The following TNFSF13B variants were observed in gnomAD, a reference collection of about 807,000 sequenced individuals.
The protein encoded by TNFSF13B is tumor necrosis factor ligand superfamily member 13B.
TNFSF13B carries 8 observed loss-of-function variants against 29.1 expected under a neutral mutation model. The ratio of observed to expected loss-of-function variants is 0.27; its 90% CI spans 0.16 to 0.50. TNFSF13B has a LOEUF of 0.50. Ranked by LOEUF, TNFSF13B falls within the 20% of genes least tolerant of loss-of-function variation. The pLI is 0.98. For missense variants in TNFSF13B, 248 were observed against 334.9 expected, an observed-to-expected ratio of 0.74 and a Z score of 2.03; for synonymous variants, 125 against 130.8, an observed-to-expected ratio of 0.96 and a Z score of 0.30.
At chr13:108,286,313 G>T (rs1476429771) in intron 2 of TNFSF13B, among the ~76,000 whole-genome samples, 2 of 150,916 alleles carry the variant, frequency 1.3e-5, no homozygotes, top group Non-Finnish European at 2.9e-5. Flanking sequence ...ATACTGTCTT[G>T]GTACACTGTC....
At chr13:108,305,636 G>A (rs988187881) in intron 5 of TNFSF13B, among the ~76,000 whole-genome samples, 2 of 152,040 alleles carry the variant, frequency 1.3e-5, no homozygotes, top group African/African-American at 4.8e-5. Flanking sequence ...GTCCTCAAAG[G>A]CTTTGTCAAT....
At chr13:108,286,123 T>G (rs1208150683) in intron 2 of TNFSF13B, among the ~76,000 whole-genome samples, 1 of 152,232 alleles carries the variant, frequency 6.6e-6, no homozygotes, top group Non-Finnish European at 1.5e-5. Context: ...TCTTTCTCTC[T>G]TTGGTCCAAT....
At chr13:108,289,516 A>C (rs1000178672) in intron 3 of TNFSF13B, among the ~76,000 whole-genome samples, 1 of 149,618 alleles carries the variant, frequency 6.7e-6, no homozygotes. Flanking sequence ...TTCTGGGAAA[A>C]GATAATAATA....
At chr13:108,277,801 A>G (rs1315616889) in intron 2 of TNFSF13B, among the ~76,000 whole-genome samples, 5 of 152,170 alleles carry the variant, frequency 3.3e-5, no homozygotes, top group Non-Finnish European at 5.9e-5. Context: ...GAGAACCACC[A>G]GAGGTCACTC....
intron 5 of TNFSF13B, among the ~76,000 whole-genome samples, chr13:108,305,542 G>A (rs1881747003): frequency 6.6e-6 from 1 of 152,072 alleles, no homozygotes; most frequent in South Asian, 2.1e-4. Flanking sequence ...TTGTCAAAAT[G>A]TTAGGTCATT....
intron 2 of TNFSF13B, among the ~76,000 whole-genome samples, chr13:108,270,950 T>TAC (rs138902471): frequency 0.13 from 19,672 of 150,532 alleles, 1,546 homozygotes; most frequent in Middle Eastern, 0.18. Context: ...AAGGTTATTT[T>TAC]ACACACACAC....
chr13:108,285,093 G>T (rs1211923977), intron 2 of TNFSF13B, among the ~76,000 whole-genome samples: 1 of 152,088 alleles, frequency 6.6e-6, no homozygotes, highest in African/African-American at 2.4e-5. Flanking sequence ...CCTCAGAGTG[G>T]ACCAAAATGC....
chr13:108,269,850 GGT>G lies in TNFSF13B; in HGVS notation c.-45_-44del. 1.3e-6 allele frequency: 2 copies of G among 1,497,822 alleles called. No individual in the cohort carries two copies. Among genetic ancestry groups the G allele is most frequent in the Non-Finnish European group, 1.8e-6 (2 of 1,107,040 alleles). 92.8% of individuals were successfully genotyped at this position (1,497,822 alleles called of 1,614,324 possible). A position where few individuals can be genotyped will look rare whatever the true frequency, so the allele number is the denominator to read the frequency against. On this transcript the variant is annotated 5_prime_UTR_variant, in exon 1 of 6. Transcript: ENST00000375887. ...TAACAGGAAATGATCCATTCCCTGTGGTCACTTATTCTAAAGGCCCCAACCTT... is the reference window on the plus strand; with the variant it reads ...TAACAGGAAATGATCCATTCCCTGTGCACTTATTCTAAAGGCCCCAACCTT...
rs1881684940 is a variant in TNFSF13B, at chr13:108,303,421, A to G, written c.595-33A>G. 3.1e-6 allele frequency: 5 copies of G among 1,609,868 alleles called. No individual in the cohort carries two copies. In the East Asian group the frequency reaches 1.1e-4, roughly 36 times the overall value. On this transcript the variant is annotated intron_variant, in intron 4 of 5. Transcript: ENST00000375887. ...GTTCAAAGCCTCCCATTTTGTGTTC[A>G]TTTCTGACACAGTTTTTTGGTTTGT...
chr13:108,295,904 A>G lies in TNFSF13B; in HGVS notation c.482-7349A>G, dbSNP rs1881447805. On this transcript the variant is annotated intron_variant, in intron 3 of 5. Coordinates refer to ENST00000375887, the MANE Select transcript of TNFSF13B (RefSeq NM_006573.5). ...TTAATAGAGAGCCATTTCAGATTGA[A>G]AAACATAAACAGGTTTCAAGGTCAA... Among the ~76,000 whole-genome samples the G allele has an allele frequency of 1.4e-5, 2 of 146,390 alleles. 1 individual carries two copies. The highest frequency in any genetic ancestry group is 3.0e-5 in the Non-Finnish European group (2 of 65,806).
In TNFSF13B at chr13:108,307,088, T is replaced by C; in HGVS notation, c.*150T>C. Reference sequence around the variant, plus strand: ...TTTTCTGTGAGCTATTTGTTTTGGTTTGCTGAAACTAGTCCAAAACAGGAA... The same window carrying C: ...TTTTCTGTGAGCTATTTGTTTTGGTCTGCTGAAACTAGTCCAAAACAGGAA... On this transcript the variant is annotated 3_prime_UTR_variant, in exon 6 of 6. Transcript: ENST00000375887. 1 of 574,208 alleles carries C rather than the reference T, an allele frequency of 1.7e-6. No homozygotes were observed. Among genetic ancestry groups the C allele is most frequent in the Non-Finnish European group, 3.0e-6 (1 of 337,308 alleles). The allele number at this position is 574,208 out of a possible 1,614,324, so 35.6% of individuals were successfully genotyped here.
chr13:108,272,840 T>C (rs549522223), intron 2 of TNFSF13B, among the ~76,000 whole-genome samples: 1 of 152,154 alleles, frequency 6.6e-6, no homozygotes, highest in East Asian at 1.9e-4. Flanking sequence ...GTTTTAAAAA[T>C]AAACTTTAAC....
Position 108,308,439 on chromosome 13 carries a change from C to T in TNFSF13B, c.*1501C>T, listed in dbSNP as rs1037575568. Reference sequence around the variant, plus strand: ...GTTAATGATTTTTCTGGTGTTGCTGCTAATGTGGATTAACAAATAAAAACA... The same window carrying T: ...GTTAATGATTTTTCTGGTGTTGCTGTTAATGTGGATTAACAAATAAAAACA... On this transcript the variant is annotated 3_prime_UTR_variant, in exon 6 of 6. Transcript: ENST00000375887. The T allele has an allele frequency of 6.6e-6, 1 of 152,044 alleles. No individual in the cohort carries two copies. The highest frequency in any genetic ancestry group is 1.5e-5 in the Non-Finnish European group (1 of 67,986). 9.4% of individuals were successfully genotyped at this position (152,044 alleles called of 1,614,324 possible). A position where few individuals can be genotyped will look rare whatever the true frequency, so the allele number is the denominator to read the frequency against.
At chr13:108,281,248 A>G (rs1880946166) in intron 2 of TNFSF13B, among the ~76,000 whole-genome samples, 1 of 152,216 alleles carries the variant, frequency 6.6e-6, no homozygotes. Context: ...TCTCAAAAAA[A>G]AAGAAAAAGA....
intron 2 of TNFSF13B, among the ~76,000 whole-genome samples, chr13:108,281,437 G>T (rs1880952386): frequency 1.3e-5 from 2 of 152,016 alleles, no homozygotes; most frequent in African/African-American, 2.4e-5. Flanking sequence ...AAAAACTATT[G>T]GTCACGACTT....
intron 2 of TNFSF13B, among the ~76,000 whole-genome samples, chr13:108,280,069 CTTTT>C (rs35086854): frequency 8.3e-6 from 1 of 120,024 alleles, no homozygotes; most frequent in Non-Finnish European, 1.8e-5. Context: ...ATGGCGTCTG[CTTTT>C]TTTTTTTTTT....
chr13:108,300,636 G>A (rs944944900), intron 3 of TNFSF13B, among the ~76,000 whole-genome samples: 3 of 152,184 alleles, frequency 2.0e-5, no homozygotes, highest in Admixed American at 6.5e-5. Context: ...TAAAAGAGGC[G>A]ATGATGATTT....
chr13:108,277,106 C>T lies in TNFSF13B; in HGVS notation c.424+6682C>T, dbSNP rs190971746. Reference sequence around the variant, plus strand: ...GACAGCGAAGCTAACAATTATCAGGCGTGTTTCATGTGCAAACACTGTGTT... The same window carrying T: ...GACAGCGAAGCTAACAATTATCAGGTGTGTTTCATGTGCAAACACTGTGTT... On this transcript the variant is annotated intron_variant, in intron 2 of 5. Transcript: ENST00000375887. 3.6e-4 allele frequency among the ~76,000 whole-genome samples: 55 copies of T among 152,256 alleles called. 1 individual carries two copies. Among genetic ancestry groups the T allele is most frequent in the African/African-American group, 1.3e-3 (52 of 41,572 alleles).
At position 108,285,953 on chromosome 13, in the gene TNFSF13B, A is replaced by T. The variant is rs549108421; in HGVS notation, c.425-850A>T. On this transcript the variant is annotated intron_variant, in intron 2 of 5. Coordinates refer to ENST00000375887, the MANE Select transcript of TNFSF13B (RefSeq NM_006573.5). ...ACTTAATTTGCTTTTGCCTAAAGGC[A>T]TTTCTCCTTATTTAACACAATGTTA... Among the ~76,000 whole-genome samples, 4 of 152,366 alleles carry T rather than the reference A, an allele frequency of 2.6e-5. No homozygotes were observed. The East Asian group carries it at 7.7e-4, about 29-fold the overall frequency.
Sources: gnomAD v4.1 joint callset for allele counts (sites outside exome capture counted in the v4.1 genomes callset) on GRCh38, gnomAD v4.1.1 for gene constraint, MANE v1.5 for transcripts, NCBI Gene and HGNC (gene_info 2026-07-23, HGNC 2026-07-21) for gene names.